Variants in SEMA3A observed in about 807,000 individuals in gnomAD.
The protein encoded by SEMA3A is semaphorin-3A.
In SEMA3A, 29 loss-of-function variants were observed where a neutral mutation model predicts 97.9. That is an observed-to-expected ratio of 0.30 (90% CI 0.22 to 0.40). The LOEUF (loss-of-function observed/expected upper bound fraction) is 0.40, where lower values mean the gene tolerates loss of function less well. SEMA3A is among the 10% of genes least tolerant of loss of function. The pLI is 1.00. For synonymous variants in SEMA3A, 321 were observed against 323.7 expected, an observed-to-expected ratio of 0.99 and a Z score of 0.09; for missense variants, 763 against 951.3, an observed-to-expected ratio of 0.80 and a Z score of 2.60.
chr7:84,429,592 G>C (rs1804924751), intron 1 of SEMA3A, among the ~76,000 whole-genome samples: 1 of 133,426 alleles, frequency 7.5e-6, no homozygotes, highest in Non-Finnish European at 1.6e-5. Flanking sequence ...CGTATCTAGT[G>C]TATCTGATTA....
At chr7:84,374,654 T>G (rs1803054649) in intron 1 of SEMA3A, among the ~76,000 whole-genome samples, 1 of 152,198 alleles carries the variant, frequency 6.6e-6, no homozygotes, top group African/African-American at 2.4e-5. Context: ...AGTAAACCAT[T>G]TAAGGTATTT....
At chr7:84,256,474 C>A (rs1799723060) in intron 3 of SEMA3A, among the ~76,000 whole-genome samples, 2 of 151,828 alleles carry the variant, frequency 1.3e-5, no homozygotes, top group South Asian at 4.1e-4. Flanking sequence ...TAAAAAAAGG[C>A]AAATAAGGAA....
At position 84,001,968 on chromosome 7, in the gene SEMA3A, A is replaced by G; in HGVS notation, c.1439T>C (p.Met480Thr). 6.2e-7 allele frequency: 1 copy of G among 1,611,750 alleles called. No individual in the cohort carries two copies. Among genetic ancestry groups the G allele is most frequent in the Non-Finnish European group, 8.5e-7 (1 of 1,178,396 alleles). Residue 480 changes from methionine (M) to threonine (T), a missense_variant, in exon 12 of 17, where the codon ATG (methionine) becomes ACG (threonine). This residue lies in a region of SEMA3A where 678 missense variants were observed against 881.3 expected (regional missense o/e 0.77). Transcript: ENST00000265362. The part of the protein sequence containing the change: ...YDLEEVLLEE[M>T]TVFREPTAIS... ...AGCAGCACTCACCCGAAAAACTGTCATTTCTTCCAGCAGAACCTCTTCTAA... is the reference window on the plus strand; with the variant it reads ...AGCAGCACTCACCCGAAAAACTGTCGTTTCTTCCAGCAGAACCTCTTCTAA...
At chr7:83,967,422 C>T (rs1406319438) in intron 15 of SEMA3A, among the ~76,000 whole-genome samples, 1 of 152,100 alleles carries the variant, frequency 6.6e-6, no homozygotes. Flanking sequence ...TATCTTATAA[C>T]CTTATTAAGT....
At position 84,454,751 on chromosome 7, in the gene SEMA3A, T is replaced by A. The variant is rs942130192; in HGVS notation, c.-246+37709A>T. On this transcript the variant is annotated intron_variant, in intron 1 of 3. Coordinates refer to the SEMA3A transcript ENST00000424555. ...ACAAAAACTATTTGACTCTGATTTT[T>A]CCTGCCATCTGGTGGCAAGATCAAA... Among the ~76,000 whole-genome samples, 8 of 150,412 alleles carry A rather than the reference T, an allele frequency of 5.3e-5. No homozygotes were observed. In the Admixed American group the frequency reaches 5.3e-4, roughly 10 times the overall value.
chr7:84,340,551 G>A (rs1042943231), intron 2 of SEMA3A, among the ~76,000 whole-genome samples: 4 of 152,192 alleles, frequency 2.6e-5, no homozygotes, highest in African/African-American at 9.6e-5. Flanking sequence ...GGCCGAGGCA[G>A]GTGGATCACC....
intron 6 of SEMA3A, among the ~76,000 whole-genome samples, chr7:84,020,498 A>G (rs1033644707): frequency 6.6e-6 from 1 of 151,784 alleles, no homozygotes; most frequent in Admixed American, 6.6e-5. Context: ...ATAACTCACT[A>G]CAACTTTAAT....
At chr7:84,157,280 C>A (rs1796873100) in intron 1 of SEMA3A, among the ~76,000 whole-genome samples, 1 of 152,118 alleles carries the variant, frequency 6.6e-6, no homozygotes. Context: ...GGTATAACTA[C>A]TAGCTTTAAA....
chr7:84,316,673 G>T lies in SEMA3A; in HGVS notation c.-168-9381C>A, dbSNP rs1801511183. 2.0e-5 allele frequency among the ~76,000 whole-genome samples: 3 copies of T among 152,076 alleles called. No homozygotes were observed. In the South Asian group the frequency reaches 6.2e-4, roughly 31 times the overall value. ...TGAATCTTCTCTCCTGTTACTTGAT[G>T]ATATTTTTATAAAGTGGATTTTTTT... On this transcript the variant is annotated intron_variant, in intron 2 of 3. Transcript: ENST00000424555.
At chr7:83,967,814 A>G (rs996366885) in intron 15 of SEMA3A, among the ~76,000 whole-genome samples, 5 of 152,182 alleles carry the variant, frequency 3.3e-5, no homozygotes, top group Non-Finnish European at 7.3e-5. Context: ...TAATTGGCAC[A>G]TAATATATGT....
intron 5 of SEMA3A, among the ~76,000 whole-genome samples, chr7:84,051,178 G>A (rs1374555651): frequency 1.3e-5 from 2 of 148,292 alleles, no homozygotes; most frequent in African/African-American, 4.9e-5. Flanking sequence ...GCTTAGGATT[G>A]ACTTTGCAAT....
chr7:84,147,802 G>T (rs952010423), intron 1 of SEMA3A, among the ~76,000 whole-genome samples: 3 of 152,066 alleles, frequency 2.0e-5, no homozygotes, highest in Non-Finnish European at 4.4e-5. Flanking sequence ...CAACATGCCT[G>T]GTGCTATAAG....
intron 11 of SEMA3A, among the ~76,000 whole-genome samples, chr7:84,003,767 T>G (rs542985738): frequency 4.6e-5 from 7 of 152,280 alleles, no homozygotes; most frequent in African/African-American, 9.6e-5. Flanking sequence ...AATTTGATGT[T>G]AAATGATAAA....
intron 2 of SEMA3A, among the ~76,000 whole-genome samples, chr7:84,324,958 C>A (rs1801736359): frequency 6.6e-6 from 1 of 152,004 alleles, no homozygotes; most frequent in Non-Finnish European, 1.5e-5. Context: ...CCGTCAAAGA[C>A]CTTACGTTCA....
intron 3 of SEMA3A, among the ~76,000 whole-genome samples, chr7:84,231,481 G>T (rs544701792): frequency 6.6e-6 from 1 of 152,098 alleles, no homozygotes; most frequent in African/African-American, 2.4e-5. Context: ...ATTTTTCTGG[G>T]AGTGGAAAGT....
rs1286067840 is a variant in SEMA3A at position 84,066,598 on chromosome 7, A to G, written c.454-6040T>C. Among the ~76,000 whole-genome samples, 399 of 149,618 alleles carry G rather than the reference A, an allele frequency of 2.7e-3. 14 individuals are homozygous for G. Among genetic ancestry groups the G allele is most frequent in the Admixed American group, 0.024 (360 of 15,046 alleles). ...TCTCAGGATACAAAATCAATGTACA[A>G]AAATCACAAGCATTCTTATACATCA... On this transcript the variant is annotated intron_variant, in intron 4 of 16. Transcript: ENST00000265362.
chr7:84,090,088 TTC>T (rs1173710626), intron 4 of SEMA3A, among the ~76,000 whole-genome samples: 1 of 152,088 alleles, frequency 6.6e-6, no homozygotes, highest in African/African-American at 2.4e-5. Context: ...ATCCCATATA[TTC>T]TCTGAGTAAC....
chr7:84,370,393 A>G (rs866532746), intron 2 of SEMA3A, among the ~76,000 whole-genome samples: 2 of 151,846 alleles, frequency 1.3e-5, no homozygotes, highest in African/African-American at 4.8e-5. Context: ...ATATTTTAGC[A>G]TAAGTTTCCT....
At chr7:84,116,594 A>G (rs4732543) in intron 3 of SEMA3A, among the ~76,000 whole-genome samples, 110,176 of 151,992 alleles carry the variant, frequency 0.72, 40,410 homozygotes, top group East Asian at 0.91. Flanking sequence ...GGTCTTTAAG[A>G]AGGTGACTAA....
Sources: gnomAD v4.1 joint callset for allele counts (sites outside exome capture counted in the v4.1 genomes callset) on GRCh38, gnomAD v4.1.1 for gene constraint, gnomAD v4.1.1 regional missense constraint, MANE v1.5 for transcripts, NCBI Gene and HGNC (gene_info 2026-07-23, HGNC 2026-07-21) for gene names.